SLMAP: variants seen among roughly 807,000 people sequenced by gnomAD.
SLMAP encodes sarcolemma associated protein, also known as sarcolemmal membrane-associated protein.
SLMAP carries 44 observed loss-of-function variants against 128.8 expected under a neutral mutation model. The observed-to-expected ratio is 0.34, with a 90% CI of 0.27 to 0.44. The LOEUF (loss-of-function observed/expected upper bound fraction) is 0.44. Ranked by LOEUF, SLMAP falls within the 20% of genes least tolerant of loss-of-function variation. SLMAP has a pLI of 1.00. For synonymous variants in SLMAP, 327 were observed against 348.8 expected (o/e 0.94, Z 0.70); for missense variants, 787 against 985.3 (o/e 0.80, Z 2.69).
At chr3:57,848,836 A>G (rs2094396678) in intron 5 of SLMAP, among the ~76,000 whole-genome samples, 1 of 150,944 alleles carries the variant, frequency 6.6e-6, no homozygotes, top group Non-Finnish European at 1.5e-5. Context: ...TGGCCTCCCA[A>G]GTAGCTGGGA....
At chr3:57,924,578 G>A (rs1261146317) in intron 23 of SLMAP, among the ~76,000 whole-genome samples, 1 of 152,006 alleles carries the variant, frequency 6.6e-6, no homozygotes, top group African/African-American at 2.4e-5. Context: ...TGTTGGTCAG[G>A]CTGGTCTTGA....
At chr3:57,859,736 T>C (rs1407775475) in intron 8 of SLMAP, among the ~76,000 whole-genome samples, 1 of 151,990 alleles carries the variant, frequency 6.6e-6, no homozygotes, top group African/African-American at 2.4e-5. Flanking sequence ...GAGTGAGGGA[T>C]GAAAAACTCC....
chr3:57,851,685 A>AT (rs2094508583), intron 6 of SLMAP, among the ~76,000 whole-genome samples: 1 of 151,630 alleles, frequency 6.6e-6, no homozygotes, highest in Non-Finnish European at 1.5e-5. Flanking sequence ...AGGTTTCACC[A>AT]TGTTGGCCAG....
At chr3:57,762,359 ACT>A (rs1177037317) in intron 2 of SLMAP, among the ~76,000 whole-genome samples, 8 of 150,724 alleles carry the variant, frequency 5.3e-5, no homozygotes, top group Non-Finnish European at 1.0e-4. Context: ...ACAATGTGAG[ACT>A]CTGTCTCAAA....
In SLMAP at chr3:57,847,180, T is replaced by A. The variant is rs536292946; in HGVS notation, c.420-17T>A. On this transcript the variant is annotated splice_polypyrimidine_tract_variant and intron_variant, in intron 4 of 24. Transcript: ENST00000671191. ...TTGTCCGGATATTAGATAAAACTTC[T>A]AAATTTTACTTTTCAGTGTCATCCA... The A allele has an allele frequency of 7.6e-5, 119 of 1,576,040 alleles. 1 individual carries two copies. In the South Asian group the frequency reaches 1.3e-3, roughly 17 times the overall value.
intron 4 of SLMAP, among the ~76,000 whole-genome samples, chr3:57,842,948 T>A (rs927993075): frequency 4.6e-5 from 7 of 152,198 alleles, no homozygotes; most frequent in African/African-American, 1.7e-4. Flanking sequence ...TCAGGCAACA[T>A]TTTTCTCATT....
intron 6 of SLMAP, among the ~76,000 whole-genome samples, chr3:57,853,356 T>C (rs984043056): frequency 6.6e-6 from 1 of 152,222 alleles, no homozygotes; most frequent in Non-Finnish European, 1.5e-5. Flanking sequence ...AAATTTTCCG[T>C]AGTCATTATT....
At chr3:57,765,398 A>T (rs1270678212) in intron 2 of SLMAP, among the ~76,000 whole-genome samples, 1 of 152,118 alleles carries the variant, frequency 6.6e-6, no homozygotes, top group Non-Finnish European at 1.5e-5. Context: ...TTAAAAAAAA[A>T]TATGGGGTTA....
intron 14 of SLMAP, among the ~76,000 whole-genome samples, chr3:57,879,194 T>A (rs1413201721): frequency 1.3e-5 from 2 of 152,248 alleles, no homozygotes; most frequent in East Asian, 3.8e-4. Flanking sequence ...GTTTGTATTG[T>A]TTCTCATTTT....
intron 2 of SLMAP, among the ~76,000 whole-genome samples, chr3:57,760,892 T>C (rs2078495217): frequency 6.6e-6 from 1 of 151,990 alleles, no homozygotes; most frequent in East Asian, 1.9e-4. Context: ...CACGCGTGGC[T>C]AATTTTGAGT....
At chr3:57,797,208 G>C (rs1279638006) in intron 2 of SLMAP, among the ~76,000 whole-genome samples, 6 of 145,158 alleles carry the variant, frequency 4.1e-5, no homozygotes, top group Non-Finnish European at 9.0e-5. Context: ...AAAAAAGCCA[G>C]GTGTGGTGGC....
At chr3:57,765,666 G>A (rs993739773) in intron 2 of SLMAP, among the ~76,000 whole-genome samples, 13 of 152,168 alleles carry the variant, frequency 8.5e-5, no homozygotes, top group Non-Finnish European at 1.3e-4. Context: ...TGTTTTAACA[G>A]ATACTTAAGT....
At chr3:57,772,985 A>G (rs1289115575) in intron 2 of SLMAP, among the ~76,000 whole-genome samples, 1 of 152,184 alleles carries the variant, frequency 6.6e-6, no homozygotes, top group Non-Finnish European at 1.5e-5. Context: ...GTAAAGTGCT[A>G]AGCTTGTATG....
intron 2 of SLMAP, among the ~76,000 whole-genome samples, chr3:57,770,177 G>A (rs1452444379): frequency 6.6e-6 from 1 of 152,196 alleles, no homozygotes; most frequent in African/African-American, 2.4e-5. Context: ...GCGGTGTGGT[G>A]TCCAGCACAT....
intron 17 of SLMAP, among the ~76,000 whole-genome samples, chr3:57,903,206 G>GT (rs1401370079): frequency 6.6e-6 from 1 of 152,126 alleles, no homozygotes; most frequent in Non-Finnish European, 1.5e-5. Flanking sequence ...TGGCAAAGGG[G>GT]TAAGAATTGA....
intron 2 of SLMAP, among the ~76,000 whole-genome samples, chr3:57,768,549 G>C (rs1230208067): frequency 6.6e-6 from 1 of 152,150 alleles, no homozygotes; most frequent in Non-Finnish European, 1.5e-5. Context: ...TATATGAAAT[G>C]TGTAGAATAG....
rs76138239 is a variant in SLMAP at position 57,822,618 on chromosome 3, C to G, written c.199-8765C>G. ...TAGCTACCATCTCCCATCCCTCAAT[C>G]CTGTAGCAGCCAGGTGATGGTTGCC... On this transcript the variant is annotated intron_variant, in intron 2 of 24. Coordinates refer to ENST00000671191, the MANE Select transcript of SLMAP (RefSeq NM_001377540.1). Among the ~76,000 whole-genome samples the G allele has an allele frequency of 6.3e-3, 959 of 152,272 alleles. 18 individuals are homozygous for G. Among genetic ancestry groups the G allele is most frequent in the African/African-American group, 0.022 (921 of 41,550 alleles).
intron 15 of SLMAP, among the ~76,000 whole-genome samples, chr3:57,893,337 G>A (rs987744251): frequency 6.6e-6 from 1 of 151,998 alleles, no homozygotes; most frequent in Non-Finnish European, 1.5e-5. Context: ...AGCACGCTTA[G>A]GTGGGAGGAT....
At chr3:57,817,776 A>T (rs766128079) in intron 2 of SLMAP, among the ~76,000 whole-genome samples, 20 of 152,234 alleles carry the variant, frequency 1.3e-4, no homozygotes, top group Non-Finnish European at 2.9e-4. Context: ...GGACACAGAA[A>T]CTGGAAAACC....
Sources: gnomAD v4.1 joint callset for allele counts (sites outside exome capture counted in the v4.1 genomes callset) on GRCh38, gnomAD v4.1.1 for gene constraint, MANE v1.5 for transcripts, NCBI Gene and HGNC (gene_info 2026-07-23, HGNC 2026-07-21) for gene names.